Variants in AGTPBP1 observed in about 807,000 individuals in gnomAD.
AGTPBP1 encodes the protein cytosolic carboxypeptidase 1.
In AGTPBP1, 70 loss-of-function variants were observed where a neutral mutation model predicts 143.9. That is an observed-to-expected ratio of 0.49 (90% CI 0.40 to 0.59). The LOEUF is 0.59. AGTPBP1 is among the 20% of genes least tolerant of loss of function. AGTPBP1 has a pLI of 0.00. For missense variants in AGTPBP1, 1,229 were observed against 1,464.5 expected, an observed-to-expected ratio of 0.84 and a Z score of 2.62; for synonymous variants, 463 against 500.2, an observed-to-expected ratio of 0.93 and a Z score of 0.99.
chr9:85,574,853 C>T (rs956190457), intron 25 of AGTPBP1, among the ~76,000 whole-genome samples: 5 of 152,088 alleles, frequency 3.3e-5, no homozygotes, highest in Non-Finnish European at 7.4e-5. Flanking sequence ...GGATTACAGG[C>T]ACCCAACACC....
At chr9:85,619,691 T>C (rs1830800484) in intron 15 of AGTPBP1, among the ~76,000 whole-genome samples, 2 of 152,230 alleles carry the variant, frequency 1.3e-5, no homozygotes. Flanking sequence ...AGAGCTAAAT[T>C]ACCTATTATC....
In AGTPBP1 at chr9:85,692,797, T is replaced by C; in HGVS notation, c.49A>G (p.Arg17Gly). Residue 17 changes from arginine (R) to glycine (G), a missense_variant, in exon 3 of 26, where the codon AGG becomes GGG. Arg to Gly is a moderately radical substitution (Grantham distance 125, BLOSUM62 -2). Around this residue, in one of 2 missense-constraint regions of AGTPBP1, gnomAD observed 743 missense variants for 812.2 expected, o/e 0.91. Transcript: ENST00000357081. ...IPEKSLTNNS[R>G]IVGLLAQLEK... ...AGTTGAGCCAGGAGTCCTACGATCCTAGAATTATTGGTAAGGCTAAAAAGA... is the reference window on the plus strand; with the variant it reads ...AGTTGAGCCAGGAGTCCTACGATCCCAGAATTATTGGTAAGGCTAAAAAGA... The C allele has an allele frequency of 6.2e-7, 1 of 1,613,696 alleles. No individual in the cohort carries two copies. The highest frequency in any genetic ancestry group is 8.5e-7 in the Non-Finnish European group (1 of 1,179,844).
At chr9:85,669,646 G>A (rs1834358384) in intron 7 of AGTPBP1, 68 bp from the exon 8 acceptor site, 2 of 969,186 alleles carry the variant, frequency 2.1e-6, no homozygotes, top group Non-Finnish European at 3.3e-6. Context: ...TATACTTAGT[G>A]ATACATAGGC....
At chr9:85,672,709 T>C (rs1564129363) in intron 6 of AGTPBP1, 28 bp from the exon 7 acceptor site, 7 of 1,517,036 alleles carry the variant, frequency 4.6e-6, no homozygotes, top group Non-Finnish European at 5.4e-6. Context: ...AGACAATTTA[T>C]GCACATACAA....
At chr9:85,677,631 T>C in intron 5 of AGTPBP1, 49 bp from the exon 6 acceptor site, 1 of 1,414,252 alleles carries the variant, frequency 7.1e-7, no homozygotes, top group Non-Finnish European at 9.3e-7. Flanking sequence ...AAAAAAAAAT[T>C]AACAAATTTA....
At chr9:85,667,258 A>G (rs1365284162) in intron 8 of AGTPBP1, among the ~76,000 whole-genome samples, 1 of 152,142 alleles carries the variant, frequency 6.6e-6, no homozygotes, top group African/African-American at 2.4e-5. Flanking sequence ...AATATTTAAT[A>G]AATAGTCATA....
chr9:85,763,336 C>G, the AGTPBP1 span, among the ~76,000 whole-genome samples: 1 of 151,830 alleles, frequency 6.6e-6, no homozygotes, highest in Non-Finnish European at 1.5e-5. Context: ...AAGGGAAGAC[C>G]CAGGACAACT....
At position 85,715,978 on chromosome 9, in the gene AGTPBP1, GAA is replaced by G. The variant is rs1003513718; in HGVS notation, c.-33-3414_-33-3413del. ...AAATCATGATATTTCTGTGTCTTAG[GAA>G]AAAAACTTTCTCGCTCCCAATTCAG... On this transcript the variant is annotated intron_variant, in intron 1 of 25. Coordinates refer to ENST00000357081, the MANE Select transcript of AGTPBP1 (RefSeq NM_001330701.2). Among the ~76,000 whole-genome samples, 16 of 152,102 alleles carry G rather than the reference GAA, an allele frequency of 1.1e-4. No homozygotes were observed. In the South Asian group the frequency reaches 2.5e-3, roughly 24 times the overall value.
intron 2 of AGTPBP1, among the ~76,000 whole-genome samples, chr9:85,696,147 C>G (rs1836224351): frequency 6.6e-6 from 1 of 152,096 alleles, no homozygotes; most frequent in Non-Finnish European, 1.5e-5. Flanking sequence ...TAGCCTTTGC[C>G]AGACATTCTC....
At chr9:85,689,829 A>G (rs1835726071) in intron 3 of AGTPBP1, among the ~76,000 whole-genome samples, 1 of 133,010 alleles carries the variant, frequency 7.5e-6, no homozygotes, top group Non-Finnish European at 1.5e-5. Flanking sequence ...CGGGAAGTGG[A>G]GGTTGCCATG....
At chr9:85,788,550 C>G in the AGTPBP1 span, among the ~76,000 whole-genome samples, 5 of 149,294 alleles carry the variant, frequency 3.3e-5, no homozygotes, top group South Asian at 1.0e-3. Context: ...ATAATGAGGA[C>G]CTTTGTTAAT....
intron 1 of AGTPBP1, among the ~76,000 whole-genome samples, chr9:85,727,502 G>A (rs943811016): frequency 7.2e-5 from 11 of 152,190 alleles, no homozygotes; most frequent in African/African-American, 1.9e-4. Flanking sequence ...GTGTAAAAAC[G>A]TGGATGAAGA....
intron 3 of AGTPBP1, among the ~76,000 whole-genome samples, chr9:85,684,487 T>A (rs1341171198): frequency 1.3e-5 from 2 of 152,046 alleles, no homozygotes; most frequent in Non-Finnish European, 2.9e-5. Context: ...ACACTTTTTA[T>A]TATTCCACAT....
chr9:85,656,986 C>A (rs1224554803), intron 10 of AGTPBP1, among the ~76,000 whole-genome samples: 1 of 150,216 alleles, frequency 6.7e-6, no homozygotes, highest in African/African-American at 2.5e-5. Flanking sequence ...TTAATGAGAT[C>A]ACATGGACAC....
upstream of AGTPBP1, among the ~76,000 whole-genome samples, chr9:85,744,821 A>G (rs1170556401): frequency 6.6e-6 from 1 of 152,222 alleles, no homozygotes; most frequent in Non-Finnish European, 1.5e-5. Flanking sequence ...CCCTTTGCTT[A>G]CTATCTGCCT....
chr9:85,634,127 G>A (rs1365233841), intron 13 of AGTPBP1, among the ~76,000 whole-genome samples: 1 of 149,026 alleles, frequency 6.7e-6, no homozygotes, highest in Non-Finnish European at 1.5e-5. Context: ...CCAGGAGGTG[G>A]AGGTTGCAGT....
chr9:85,550,234 C>A lies in AGTPBP1; in HGVS notation c.3504-2948G>T, dbSNP rs145628045. ...GAGAGAGAGAAAGATATCAGGGGATCTGGAAGGAGCTAGGGGAATAAATAC... is the reference window on the plus strand; with the variant it reads ...GAGAGAGAGAAAGATATCAGGGGATATGGAAGGAGCTAGGGGAATAAATAC... On this transcript the variant is annotated intron_variant, in intron 25 of 25. Transcript: ENST00000357081. Among the ~76,000 whole-genome samples the A allele has an allele frequency of 1.4e-3, 214 of 151,520 alleles. 3 individuals are homozygous for A. In the East Asian group the frequency reaches 0.037, roughly 26 times the overall value.
chr9:85,723,577 C>T (rs1398618709), intron 1 of AGTPBP1, among the ~76,000 whole-genome samples: 2 of 152,164 alleles, frequency 1.3e-5, no homozygotes, highest in Non-Finnish European at 2.9e-5. Context: ...AGGAATGTAC[C>T]GTTCCTCCAA....
the AGTPBP1 span, chr9:85,764,913 G>A: frequency 1.0e-5 from 11 of 1,070,038 alleles, no homozygotes; most frequent in African/African-American, 4.6e-5. Context: ...ATGGTAGAGT[G>A]TTATCACCTG....
Sources: gnomAD v4.1 joint callset for allele counts (sites outside exome capture counted in the v4.1 genomes callset) on GRCh38, gnomAD v4.1.1 for gene constraint, gnomAD v4.1.1 regional missense constraint, MANE v1.5 for transcripts, NCBI Gene and HGNC (gene_info 2026-07-23, HGNC 2026-07-21) for gene names.